CNTNAP2: variants seen among roughly 807,000 people sequenced by gnomAD.
CNTNAP2 encodes the protein contactin-associated protein-like 2.
In CNTNAP2, 98 loss-of-function variants were observed where a neutral mutation model predicts 155.2. The ratio of observed to expected loss-of-function variants is 0.63; its 90% CI spans 0.54 to 0.75. The LOEUF (loss-of-function observed/expected upper bound fraction) is 0.75, where lower values mean the gene tolerates loss of function less well. Among genes scored for constraint, CNTNAP2 ranks in the 30% least tolerant of loss-of-function variants. CNTNAP2 has a pLI of 0.00. For synonymous variants in CNTNAP2, 651 were observed against 631.2 expected, an observed-to-expected ratio of 1.03 and a Z score of -0.47; for missense variants, 1,727 against 1,688.1, an observed-to-expected ratio of 1.02 and a Z score of -0.40.
intron 3 of CNTNAP2, among the ~76,000 whole-genome samples, chr7:146,900,303 C>T (rs1795967995): frequency 6.6e-6 from 1 of 152,084 alleles, no homozygotes; most frequent in South Asian, 2.1e-4. Flanking sequence ...ATTCATTTTT[C>T]TGTTTTAGTT....
chr7:146,899,600 G>C (rs1252849613), intron 3 of CNTNAP2, among the ~76,000 whole-genome samples: 1 of 152,176 alleles, frequency 6.6e-6, no homozygotes, highest in African/African-American at 2.4e-5. Flanking sequence ...TGTCATGGCA[G>C]AGAATGCAGA....
At chr7:147,095,748 C>T (rs576998511) in intron 4 of CNTNAP2, among the ~76,000 whole-genome samples, 1 of 152,194 alleles carries the variant, frequency 6.6e-6, no homozygotes, top group East Asian at 1.9e-4. Context: ...CATTTTATTT[C>T]AGTACATCTT....
Position 147,377,348 on chromosome 7 carries a change from A to G in CNTNAP2, c.1499-18261A>G, listed in dbSNP as rs539597576. Among the ~76,000 whole-genome samples the G allele has an allele frequency of 1.8e-4, 27 of 151,756 alleles. No individual in the cohort carries two copies. In the South Asian group the frequency reaches 5.0e-3, roughly 28 times the overall value. ...TGAAACTTACTTCTAATCACACCCT[A>G]TCATGCTATAGTCTACTTTTTGTCC... On this transcript the variant is annotated intron_variant, in intron 9 of 23. Transcript: ENST00000361727.
At chr7:147,681,798 A>C (rs921522925) in intron 13 of CNTNAP2, among the ~76,000 whole-genome samples, 3 of 145,738 alleles carry the variant, frequency 2.1e-5, no homozygotes, top group Non-Finnish European at 4.5e-5. Flanking sequence ...ATTTTGCAAG[A>C]GAGAGAGAGA....
intron 10 of CNTNAP2, among the ~76,000 whole-genome samples, chr7:147,413,629 C>T (rs1037139170): frequency 5.3e-5 from 8 of 152,112 alleles, no homozygotes; most frequent in African/African-American, 1.9e-4. Context: ...CAGTACTTCT[C>T]AATATTTTAG....
At chr7:147,535,378 T>C (rs144445458) in intron 11 of CNTNAP2, among the ~76,000 whole-genome samples, 3,719 of 151,822 alleles carry the variant, frequency 0.024, 158 homozygotes, top group African/African-American at 0.085. Context: ...AGCGAAAGAG[T>C]GAGACTCTGT....
intron 1 of CNTNAP2, among the ~76,000 whole-genome samples, chr7:146,354,013 T>C (rs1327865870): frequency 6.6e-6 from 1 of 152,184 alleles, no homozygotes; most frequent in Non-Finnish European, 1.5e-5. Context: ...CCTTCACATA[T>C]ACTGCTAACT....
intron 13 of CNTNAP2, among the ~76,000 whole-genome samples, chr7:147,650,547 T>C (rs1179189524): frequency 6.6e-6 from 1 of 152,224 alleles, no homozygotes; most frequent in Admixed American, 6.5e-5. Flanking sequence ...TCATGATTAG[T>C]AAACGTATGT....
intron 1 of CNTNAP2, among the ~76,000 whole-genome samples, chr7:146,338,576 T>G (rs1205373311): frequency 6.6e-6 from 1 of 152,116 alleles, no homozygotes; most frequent in Admixed American, 6.5e-5. Context: ...ATTTTCCTCC[T>G]CTTCCATGCT....
chr7:146,714,984 T>A (rs1415877178), intron 1 of CNTNAP2, among the ~76,000 whole-genome samples: 1 of 152,172 alleles, frequency 6.6e-6, no homozygotes, highest in Admixed American at 6.5e-5. Flanking sequence ...AGGTAATTCC[T>A]ACCCTATGAG....
intron 16 of CNTNAP2, among the ~76,000 whole-genome samples, chr7:148,142,892 T>C (rs772316537): frequency 1.3e-5 from 2 of 152,186 alleles, no homozygotes; most frequent in Non-Finnish European, 2.9e-5. Context: ...CCAAGAGCTC[T>C]CCATGGTTTT....
intron 1 of CNTNAP2, among the ~76,000 whole-genome samples, chr7:146,612,607 TAGA>T (rs1427811245): frequency 6.6e-6 from 1 of 151,940 alleles, no homozygotes; most frequent in African/African-American, 2.4e-5. Flanking sequence ...AGACGTTGAT[TAGA>T]AGTTTTTCTT....
chr7:147,118,651 G>A (rs1288799817), intron 5 of CNTNAP2, among the ~76,000 whole-genome samples: 1 of 152,106 alleles, frequency 6.6e-6, no homozygotes, highest in Non-Finnish European at 1.5e-5. Context: ...CTATATGGTA[G>A]AGCTTATTGC....
At chr7:148,203,308 T>C (rs958039916) in intron 18 of CNTNAP2, among the ~76,000 whole-genome samples, 1 of 152,224 alleles carries the variant, frequency 6.6e-6, no homozygotes, top group South Asian at 2.1e-4. Flanking sequence ...GGAGTTGGGT[T>C]GTACTCCAGA....
intron 1 of CNTNAP2, among the ~76,000 whole-genome samples, chr7:146,384,726 A>G (rs1187626814): frequency 6.6e-6 from 1 of 152,158 alleles, no homozygotes; most frequent in Non-Finnish European, 1.5e-5. Context: ...AAATGTACAT[A>G]CACACATACT....
chr7:147,144,703 G>A (rs1449770334), intron 8 of CNTNAP2, among the ~76,000 whole-genome samples: 1 of 152,200 alleles, frequency 6.6e-6, no homozygotes, highest in African/African-American at 2.4e-5. Context: ...AAGAAAAAGA[G>A]GGTGTTCTAT....
intron 12 of CNTNAP2, among the ~76,000 whole-genome samples, chr7:147,589,165 C>A (rs1360196050): frequency 1.3e-5 from 2 of 152,022 alleles, no homozygotes. Flanking sequence ...TGATCCAATT[C>A]TTTATTTTGT....
chr7:146,356,738 G>T (rs143365481), intron 1 of CNTNAP2, among the ~76,000 whole-genome samples: 42 of 152,182 alleles, frequency 2.8e-4, no homozygotes, highest in African/African-American at 9.4e-4. Context: ...GTGGATCATG[G>T]TTTCATGTAA....
intron 1 of CNTNAP2, among the ~76,000 whole-genome samples, chr7:146,629,097 C>T (rs1799467683): frequency 6.6e-6 from 1 of 152,086 alleles, no homozygotes; most frequent in Non-Finnish European, 1.5e-5. Flanking sequence ...TATCTGCTTC[C>T]ATACTCAACA....
Sources: gnomAD v4.1 joint callset for allele counts (sites outside exome capture counted in the v4.1 genomes callset) on GRCh38, gnomAD v4.1.1 for gene constraint, MANE v1.5 for transcripts, NCBI Gene and HGNC (gene_info 2026-07-23, HGNC 2026-07-21) for gene names.